The following PPIG variants were observed in gnomAD, a reference collection of about 807,000 sequenced individuals.
The protein encoded by PPIG is peptidylprolyl isomerase G, also known as peptidyl-prolyl cis-trans isomerase G.
Under a neutral mutation model 87.9 loss-of-function variants are expected in PPIG, and 26 were observed. The observed-to-expected ratio is 0.30, with a 90% confidence interval of 0.22 to 0.41. The LOEUF is 0.41. PPIG is among the 10% of genes least tolerant of loss of function. PPIG has a pLI of 1.00. For missense variants in PPIG, 722 were observed against 879.4 expected, an observed-to-expected ratio of 0.82 and a Z score of 2.26; for synonymous variants, 308 against 276.5, an observed-to-expected ratio of 1.11 and a Z score of -1.13.
intron 9 of PPIG, among the ~76,000 whole-genome samples, chr2:169,628,770 T>C (rs930671124): frequency 6.6e-6 from 1 of 151,516 alleles, no homozygotes; most frequent in Non-Finnish European, 1.5e-5. Context: ...GGAGAACTTG[T>C]CTCTACAAAA....
At chr2:169,623,266 A>T (rs1685803215) in intron 9 of PPIG, among the ~76,000 whole-genome samples, 1 of 152,170 alleles carries the variant, frequency 6.6e-6, no homozygotes, top group African/African-American at 2.4e-5. Context: ...GATATTTCCT[A>T]GTTTTTCAGG....
chr2:169,597,233 G>A (rs539854656), intron 1 of PPIG, among the ~76,000 whole-genome samples: 1 of 152,076 alleles, frequency 6.6e-6, no homozygotes, highest in Non-Finnish European at 1.5e-5. Context: ...AAAAATCTTA[G>A]CCCTCTTTTC....
chr2:169,586,360 C>A (rs1031143799), intron 1 of PPIG, among the ~76,000 whole-genome samples: 25 of 152,174 alleles, frequency 1.6e-4, no homozygotes, highest in African/African-American at 6.0e-4. Context: ...GCCCAATTAT[C>A]TTTCTGAGCT....
chr2:169,634,046 C>T lies in PPIG; in HGVS notation c.1017+799C>T, dbSNP rs1348793434. Among the ~76,000 whole-genome samples, 4 of 151,822 alleles carry T rather than the reference C, an allele frequency of 2.6e-5. No homozygotes were observed. The East Asian group carries it at 7.8e-4, about 29-fold the overall frequency. On this transcript the variant is annotated intron_variant, in intron 12 of 13. Coordinates refer to ENST00000260970, the MANE Select transcript of PPIG (RefSeq NM_004792.3). ...GTTTCACCATGTTGGCCAGGCTGGT[C>T]TCAAAACTCCTGACCTCAGGTGATC... is the stretch of plus-strand genomic sequence containing the variant.
intron 9 of PPIG, among the ~76,000 whole-genome samples, chr2:169,618,523 A>G (rs185404386): frequency 6.6e-6 from 1 of 152,096 alleles, no homozygotes; most frequent in Non-Finnish European, 1.5e-5. Context: ...TACTGCCTCA[A>G]TTTCAGCACT....
intron 9 of PPIG, among the ~76,000 whole-genome samples, chr2:169,625,891 G>A (rs994034921): frequency 8.5e-5 from 13 of 152,124 alleles, no homozygotes; most frequent in African/African-American, 2.2e-4. Context: ...TAGATCCCTC[G>A]TATGCACAGT....
chr2:169,615,256 C>T (rs1177841742), intron 9 of PPIG, among the ~76,000 whole-genome samples: 1 of 152,152 alleles, frequency 6.6e-6, no homozygotes, highest in Non-Finnish European at 1.5e-5. Flanking sequence ...ACCATATTGG[C>T]CAGGCTGGTC....
intron 6 of PPIG, among the ~76,000 whole-genome samples, chr2:169,607,860 C>T (rs1685376319): frequency 6.6e-6 from 1 of 152,104 alleles, no homozygotes; most frequent in African/African-American, 2.4e-5. Flanking sequence ...TGGACTGTCT[C>T]ACTCTTTTTT....
In PPIG at chr2:169,608,669, A is replaced by G; in HGVS notation, c.290-2A>G. ...GTAACTGAAAACTTTACTTCTCTAT[A>G]GACGAGAGTTTCGCTGTTAAACACA... On this transcript the variant is annotated splice_acceptor_variant, in intron 6 of 13. Coordinates refer to ENST00000260970, the MANE Select transcript of PPIG (RefSeq NM_004792.3). LOFTEE classifies it high-confidence loss of function. 1 of 1,602,612 alleles carries G rather than the reference A, an allele frequency of 6.2e-7. No individual in the cohort carries two copies. The highest frequency in any genetic ancestry group is 8.5e-7 in the Non-Finnish European group (1 of 1,169,936).
chr2:169,619,174 C>A (rs958014998), intron 9 of PPIG, among the ~76,000 whole-genome samples: 1 of 152,050 alleles, frequency 6.6e-6, no homozygotes, highest in Non-Finnish European at 1.5e-5. Context: ...TGTAATTGTG[C>A]AGTTTTGAGT....
chr2:169,620,415 G>T (rs1453717326), intron 9 of PPIG, among the ~76,000 whole-genome samples: 2 of 151,892 alleles, frequency 1.3e-5, no homozygotes, highest in Admixed American at 1.3e-4. Flanking sequence ...CATTTACCAT[G>T]AAGTCAGTTA....
intron 9 of PPIG, among the ~76,000 whole-genome samples, chr2:169,620,199 TG>T (rs1685707875): frequency 6.6e-6 from 1 of 152,170 alleles, no homozygotes; most frequent in Non-Finnish European, 1.5e-5. Flanking sequence ...TTTCTTTTAG[TG>T]GTTTTACAGT....
rs1187366307 is a variant in PPIG at position 169,638,969 on chromosome 2, C to G, written c.*1446C>G. The G allele has an allele frequency of 6.6e-6, 1 of 151,922 alleles. No individual in the cohort carries two copies. The highest frequency in any genetic ancestry group is 1.5e-5 in the Non-Finnish European group (1 of 67,884). 9.4% of individuals were successfully genotyped at this position (151,922 alleles called of 1,614,324 possible). A position where few individuals can be genotyped will look rare whatever the true frequency, so the allele number is the denominator to read the frequency against. On this transcript the variant is annotated 3_prime_UTR_variant, in exon 14 of 14. Coordinates refer to ENST00000260970, the MANE Select transcript of PPIG (RefSeq NM_004792.3). Reference sequence around the variant, plus strand: ...AGTGTCAACTCTGTTACCAAGGTAGCTTCTTGGTAAATCCAGTAGCTACTC... The same window carrying G: ...AGTGTCAACTCTGTTACCAAGGTAGGTTCTTGGTAAATCCAGTAGCTACTC...
In PPIG at chr2:169,609,277, T is replaced by C. The variant is rs1299250308; in HGVS notation, c.377+519T>C. Among the ~76,000 whole-genome samples the C allele has an allele frequency of 3.3e-5, 5 of 152,108 alleles. No individual in the cohort carries two copies. In the East Asian group the frequency reaches 9.8e-4, roughly 30 times the overall value. ...CCAGGCGAGTGCAGTGTTGCAATCATGGCTCACCACAGCCTCGACCTCCCT... is the reference window on the plus strand; with the variant it reads ...CCAGGCGAGTGCAGTGTTGCAATCACGGCTCACCACAGCCTCGACCTCCCT... On this transcript the variant is annotated intron_variant, in intron 7 of 13. Coordinates refer to ENST00000260970, the MANE Select transcript of PPIG (RefSeq NM_004792.3).
In PPIG at chr2:169,639,980, A is replaced by G. The variant is rs989555211; in HGVS notation, c.*2457A>G. 1.3e-5 allele frequency: 2 copies of G among 152,166 alleles called. No individual in the cohort carries two copies. The highest frequency in any genetic ancestry group is 6.6e-5 in the Admixed American group (1 of 15,260). 9.4% of individuals were successfully genotyped at this position (152,166 alleles called of 1,614,324 possible). On this transcript the variant is annotated 3_prime_UTR_variant, in exon 14 of 14. Transcript: ENST00000260970. ...AATATTTAAACTGATTTATTGCTCA[A>G]TTGGTGATAGCTGAGAAAATTTTTT...
chr2:169,634,994 C>T (rs532187419), intron 12 of PPIG, among the ~76,000 whole-genome samples: 2 of 152,200 alleles, frequency 1.3e-5, no homozygotes, highest in Non-Finnish European at 2.9e-5. Context: ...AGCACACATT[C>T]CATTAGCTGT....
Position 169,598,843 on chromosome 2 carries a change from GTATATAAATACAGGTAAATATATT to G in PPIG, c.-69-4771_-69-4748del, listed in dbSNP as rs57860831. Among the ~76,000 whole-genome samples, 24 of 110,396 alleles carry G rather than the reference GTATATAAATACAGGTAAATATATT, an allele frequency of 2.2e-4. No individual in the cohort carries two copies. The South Asian group carries it at 6.9e-3, about 32-fold the overall frequency. The allele number at this position is 110,396 out of a possible 152,430, so 72.4% of individuals were successfully genotyped here. A position where few individuals can be genotyped will look rare whatever the true frequency, so the allele number is the denominator to read the frequency against. On this transcript the variant is annotated intron_variant, in intron 1 of 13. Transcript: ENST00000260970. ...TATAAATACAGGTAAATATTTATAT[GTATATAAATACAGGTAAATATATT>G]TATATAAATACAGGTAAATATATTT...
At chr2:169,596,641 C>T (rs1320706535) in intron 1 of PPIG, among the ~76,000 whole-genome samples, 3 of 152,166 alleles carry the variant, frequency 2.0e-5, no homozygotes, top group African/African-American at 7.2e-5. Flanking sequence ...TCACCTAATG[C>T]AGCAGTCCCC....
chr2:169,626,286 C>T (rs1685885467), intron 9 of PPIG, among the ~76,000 whole-genome samples: 1 of 152,164 alleles, frequency 6.6e-6, no homozygotes, highest in South Asian at 2.1e-4. Flanking sequence ...CCCTTCTGTC[C>T]TTTAATGCCA....
Sources: gnomAD v4.1 joint callset for allele counts (sites outside exome capture counted in the v4.1 genomes callset) on GRCh38, gnomAD v4.1.1 for gene constraint, MANE v1.5 for transcripts, NCBI Gene and HGNC (gene_info 2026-07-23, HGNC 2026-07-21) for gene names.